RHBDD1: variants seen among roughly 807,000 people sequenced by gnomAD.
The protein encoded by RHBDD1 is rhomboid domain containing 1.
In RHBDD1, 38 loss-of-function variants were observed where a neutral mutation model predicts 36.3. The observed-to-expected ratio is 1.05, with a 90% confidence interval of 0.81 to 1.37. The LOEUF is 1.37. Ranked by LOEUF, RHBDD1 falls within the 40% of genes most tolerant of loss-of-function variation. The pLI, the probability that RHBDD1 is intolerant of heterozygous loss-of-function variation, is 0.00. For missense variants in RHBDD1, 393 were observed against 377.6 expected, an observed-to-expected ratio of 1.04 and a Z score of -0.34; for synonymous variants, 151 against 136.5, an observed-to-expected ratio of 1.11 and a Z score of -0.74.
chr2:226,959,483 A>AT (rs955109160), intron 8 of RHBDD1, among the ~76,000 whole-genome samples: 5 of 152,030 alleles, frequency 3.3e-5, no homozygotes, highest in African/African-American at 1.2e-4. Flanking sequence ...CATTTTGTAC[A>AT]TTTTTTTATA....
chr2:226,858,579 GC>G (rs1943545822), intron 3 of RHBDD1, among the ~76,000 whole-genome samples: 1 of 152,252 alleles, frequency 6.6e-6, no homozygotes, highest in South Asian at 2.1e-4. Flanking sequence ...GATATATACT[GC>G]CTTAGTAAAT....
At chr2:226,922,024 G>T (rs1949347197) in intron 8 of RHBDD1, among the ~76,000 whole-genome samples, 1 of 151,900 alleles carries the variant, frequency 6.6e-6, no homozygotes, top group Non-Finnish European at 1.5e-5. Flanking sequence ...TCCCGTGTTA[G>T]ATGCATATAT....
At chr2:226,865,457 T>A (rs1261750852) in intron 4 of RHBDD1, among the ~76,000 whole-genome samples, 2 of 152,232 alleles carry the variant, frequency 1.3e-5, no homozygotes, top group Non-Finnish European at 2.9e-5. Flanking sequence ...AAAAGATGAC[T>A]GTGCTTGTGA....
At chr2:226,871,938 A>C (rs1482419898) in intron 5 of RHBDD1, among the ~76,000 whole-genome samples, 1 of 152,216 alleles carries the variant, frequency 6.6e-6, no homozygotes, top group Non-Finnish European at 1.5e-5. Flanking sequence ...ATGAGGTGAC[A>C]CTTGGACATC....
At chr2:226,820,550 G>A in the RHBDD1 span, among the ~76,000 whole-genome samples, 1 of 143,104 alleles carries the variant, frequency 7.0e-6, no homozygotes, top group Non-Finnish European at 1.5e-5. Context: ...GCTCATGCCT[G>A]TAATCCCAAA....
At position 226,969,394 on chromosome 2, in the gene RHBDD1, C is replaced by A. The variant is rs951401918; in HGVS notation, c.857-26037C>A. Among the ~76,000 whole-genome samples, 3 of 115,526 alleles carry A rather than the reference C, an allele frequency of 2.6e-5. No homozygotes were observed. The Admixed American group carries it at 2.8e-4, about 11-fold the overall frequency. The allele number at this position is 115,526 out of a possible 152,430, so 75.8% of individuals were successfully genotyped here. A position where few individuals can be genotyped will look rare whatever the true frequency, so the allele number is the denominator to read the frequency against. ...TTGCTCTGGGCTAAGACAGCTCAGC[C>A]TTTTTTTTTTTTTTTTTTTTAAGGA... On this transcript the variant is annotated intron_variant, in intron 8 of 8. Transcript: ENST00000392062.
At chr2:226,963,498 C>T (rs775219768) in intron 8 of RHBDD1, among the ~76,000 whole-genome samples, 55 of 152,274 alleles carry the variant, frequency 3.6e-4, no homozygotes, top group Non-Finnish European at 6.0e-4. Context: ...TTTGACTACT[C>T]GCGGGTGACC....
chr2:226,985,625 G>A (rs1408305654), intron 8 of RHBDD1, among the ~76,000 whole-genome samples: 1 of 152,216 alleles, frequency 6.6e-6, no homozygotes. Flanking sequence ...GATGTACATC[G>A]GAGTCACCCG....
At chr2:226,919,655 G>A (rs1048193701) in intron 8 of RHBDD1, among the ~76,000 whole-genome samples, 3 of 151,970 alleles carry the variant, frequency 2.0e-5, no homozygotes, top group African/African-American at 7.2e-5. Flanking sequence ...TTGTTTCTGG[G>A]TTCTCTGTTC....
intron 5 of RHBDD1, among the ~76,000 whole-genome samples, chr2:226,901,304 T>C (rs1032912642): frequency 2.0e-5 from 3 of 152,218 alleles, no homozygotes; most frequent in Non-Finnish European, 4.4e-5. Context: ...TTAGGTTGTT[T>C]TCTTATCTTG....
intron 8 of RHBDD1, among the ~76,000 whole-genome samples, chr2:226,932,615 C>A (rs148975611): frequency 6.6e-6 from 1 of 152,020 alleles, no homozygotes; most frequent in African/African-American, 2.4e-5. Context: ...TCTCCTTCCA[C>A]TCCCTTGTCC....
chr2:226,869,110 C>T (rs1229273633), intron 5 of RHBDD1: 7 of 875,412 alleles, frequency 8.0e-6, no homozygotes, highest in Non-Finnish European at 5.5e-6. Context: ...GCAACTATTT[C>T]TGAAGTGCTT....
chr2:226,897,643 A>G (rs1947219306), intron 5 of RHBDD1, among the ~76,000 whole-genome samples: 1 of 152,112 alleles, frequency 6.6e-6, no homozygotes, highest in South Asian at 2.1e-4. Context: ...GCGAGAGAGG[A>G]AGAAGTAAGA....
chr2:226,928,861 A>C (rs1949837561), intron 8 of RHBDD1, among the ~76,000 whole-genome samples: 1 of 152,232 alleles, frequency 6.6e-6, no homozygotes, highest in East Asian at 1.9e-4. Context: ...ACCATTTGAG[A>C]TTACTGTGAA....
intron 8 of RHBDD1, among the ~76,000 whole-genome samples, chr2:226,985,504 A>T (rs956643327): frequency 6.6e-6 from 1 of 152,264 alleles, no homozygotes; most frequent in Non-Finnish European, 1.5e-5. Context: ...ATTTAATGTC[A>T]TAGGCCTCTG....
Position 226,908,851 on chromosome 2 carries a change from G to C in RHBDD1, c.685G>C (p.Gly229Arg), listed in dbSNP as rs528096206. The change falls in exon 7 of 9, where the codon GGA (glycine) becomes CGA (arginine). Residue 229 changes from glycine (G) to arginine (R), a missense_variant. Transcript: ENST00000392062. ...GGFSSSVGYP[G>R]RQYYFNSSGS... ...TTTTTCCTCCAGTGTTGGTTACCCA[G>C]GACGGCAATACTACTTTAATAGTTC... 170 of 1,607,546 alleles carry C rather than the reference G, an allele frequency of 1.1e-4. 2 individuals are homozygous for C. The South Asian group carries it at 1.7e-3, about 16-fold the overall frequency.
intron 8 of RHBDD1, among the ~76,000 whole-genome samples, chr2:226,962,454 G>T (rs1038978277): frequency 6.6e-6 from 1 of 152,218 alleles, no homozygotes; most frequent in Non-Finnish European, 1.5e-5. Flanking sequence ...CTGTGAAAAG[G>T]AGACCCATTC....
intron 8 of RHBDD1, among the ~76,000 whole-genome samples, chr2:226,922,746 T>C (rs1021122904): frequency 1.3e-5 from 2 of 152,208 alleles, no homozygotes; most frequent in African/African-American, 2.4e-5. Context: ...TGGAGGTATG[T>C]TTTAATTTCT....
intron 8 of RHBDD1, among the ~76,000 whole-genome samples, chr2:226,919,354 T>G (rs1949143833): frequency 6.6e-6 from 1 of 152,086 alleles, no homozygotes; most frequent in Admixed American, 6.6e-5. Context: ...GATTTTTGCT[T>G]TTTGACCTGT....
Sources: gnomAD v4.1 joint callset for allele counts (sites outside exome capture counted in the v4.1 genomes callset) on GRCh38, gnomAD v4.1.1 for gene constraint, MANE v1.5 for transcripts, NCBI Gene and HGNC (gene_info 2026-07-23, HGNC 2026-07-21) for gene names.